Variants in TLE3 observed in about 807,000 individuals in gnomAD.
TLE3 encodes the protein TLE family member 3, transcriptional corepressor.
TLE3 carries 14 observed loss-of-function variants against 93.0 expected under a neutral mutation model. The ratio of observed to expected loss-of-function variants is 0.15; its 90% confidence interval spans 0.10 to 0.24. The LOEUF is 0.24. TLE3 is among the 10% of genes least tolerant of loss of function. The pLI is 1.00. For synonymous variants in TLE3, 451 were observed against 425.0 expected (o/e 1.06, Z -0.75); for missense variants, 693 against 1,046.6 (o/e 0.66, Z 4.66).
chr15:70,070,141 G>T (rs1274615213), intron 6 of TLE3, among the ~76,000 whole-genome samples: 1 of 152,230 alleles, frequency 6.6e-6, no homozygotes, highest in Non-Finnish European at 1.5e-5. Flanking sequence ...GGCGCTAGGA[G>T]CCTGGAACCA....
At chr15:70,055,894 C>T in intron 14 of TLE3, 1 of 329,250 alleles carries the variant, frequency 3.0e-6, no homozygotes, top group Non-Finnish European at 5.8e-6. Context: ...AGAGTGTGCC[C>T]TCCAGGGGAG....
In TLE3 at chr15:70,097,902, G is replaced by C. The variant is rs1052214418; in HGVS notation, c.-1104C>G. The stretch of plus-strand genomic sequence containing the variant: ...CGAGGTCTGAACTGCCGCGAGAGCA[G>C]TTCCAAATAGGGACTGAAAAGTAAC... On this transcript the variant is annotated 5_prime_UTR_variant, in exon 1 of 20. Coordinates refer to ENST00000451782, the MANE Select transcript of TLE3 (RefSeq NM_001105192.3). 2 of 268,460 alleles carry C rather than the reference G, an allele frequency of 7.4e-6. No individual in the cohort carries two copies. Among genetic ancestry groups the C allele is most frequent in the African/African-American group, 4.4e-5 (2 of 45,332 alleles). The allele number at this position is 268,460 out of a possible 1,614,324, so 16.6% of individuals were successfully genotyped here. A position where few individuals can be genotyped will look rare whatever the true frequency, so the allele number is the denominator to read the frequency against.
At chr15:70,053,450 T>G in intron 16 of TLE3, 76 bp from the exon 17 acceptor site, 1 of 1,506,508 alleles carries the variant, frequency 6.6e-7, no homozygotes, top group South Asian at 1.3e-5. Flanking sequence ...CCAGGGGCAG[T>G]CTGAGCAGAA....
chr15:70,052,761 G>T, intron 17 of TLE3: 4 of 360,132 alleles, frequency 1.1e-5, no homozygotes, highest in African/African-American at 2.2e-5. Flanking sequence ...AGAAAAAAGT[G>T]AGTTAAAAAA....
intron 2 of TLE3, 118 bp from the exon 3 acceptor site, chr15:70,095,759 C>T (rs1160338975): frequency 6.7e-5 from 85 of 1,260,144 alleles, no homozygotes; most frequent in Non-Finnish European, 1.1e-6. Context: ...CGGGGGCGCC[C>T]CCATTATCCC....
intron 4 of TLE3, among the ~76,000 whole-genome samples, chr15:70,090,179 G>A (rs1399044778): frequency 6.6e-6 from 1 of 152,126 alleles, no homozygotes; most frequent in Admixed American, 6.5e-5. Context: ...TTGGAGCCCA[G>A]CAGACCCCAA....
chr15:70,082,644 T>C (rs1416288160), intron 4 of TLE3, among the ~76,000 whole-genome samples: 1 of 152,240 alleles, frequency 6.6e-6, no homozygotes, highest in African/African-American at 2.4e-5. Flanking sequence ...GAATTCTTTA[T>C]GCTGGGAGGA....
At position 70,050,249 on chromosome 15, in the gene TLE3, C is replaced by T. The variant is rs200380962; in HGVS notation, c.2203-45G>A. ...AGAAGCAGCAGGAAGGCGTGGGGTG[C>T]AGGGAGAAAAAAGACAGGAATTCAT... On this transcript the variant is annotated intron_variant, in intron 19 of 19. Transcript: ENST00000451782. 11 of 1,467,798 alleles carry T rather than the reference C, an allele frequency of 7.5e-6. No homozygotes were observed. The South Asian group carries it at 1.1e-4, about 15-fold the overall frequency. The allele number at this position is 1,467,798 out of a possible 1,614,324, so 90.9% of individuals were successfully genotyped here. A position where few individuals can be genotyped will look rare whatever the true frequency, so the allele number is the denominator to read the frequency against.
intron 3 of TLE3, chr15:70,095,254 T>C (rs1401920697): frequency 1.6e-6 from 2 of 1,226,896 alleles, no homozygotes; most frequent in Admixed American, 4.0e-5. Flanking sequence ...TCCAATCCTA[T>C]CTTACTAGCC....
chr15:70,050,737 A>G, intron 19 of TLE3: 1 of 157,828 alleles, frequency 6.3e-6, no homozygotes, highest in Non-Finnish European at 1.4e-5. Flanking sequence ...AGGGAGTGAG[A>G]GAGAATGCAA....
intron 4 of TLE3, chr15:70,079,340 C>G (rs544121015): frequency 2.0e-6 from 1 of 496,370 alleles, no homozygotes; most frequent in Admixed American, 2.3e-5. Flanking sequence ...GACTTTGGCA[C>G]GTCACCAGAC....
chr15:70,089,533 C>G lies in TLE3; in HGVS notation c.234+4999G>C, dbSNP rs899319083. ...AAATCCCCACTTCCTACTCACAGGG[C>G]TCAGGGAATCGGAACTCTACTCTCA... On this transcript the variant is annotated intron_variant, in intron 4 of 19. Coordinates refer to ENST00000451782, the MANE Select transcript of TLE3 (RefSeq NM_001105192.3). 2.6e-5 allele frequency among the ~76,000 whole-genome samples: 4 copies of G among 152,040 alleles called. No individual in the cohort carries two copies. The East Asian group carries it at 7.7e-4, about 29-fold the overall frequency.
intron 4 of TLE3, among the ~76,000 whole-genome samples, chr15:70,090,746 A>G (rs2058269671): frequency 6.6e-6 from 1 of 152,100 alleles, no homozygotes; most frequent in Non-Finnish European, 1.5e-5. Flanking sequence ...TTCCTCTGGG[A>G]TTGCTAGTTA....
chr15:70,071,011 G>C (rs1323940127), intron 6 of TLE3, among the ~76,000 whole-genome samples: 1 of 152,162 alleles, frequency 6.6e-6, no homozygotes, highest in Non-Finnish European at 1.5e-5. Flanking sequence ...CAAATTGTCA[G>C]TAGGTAAGCA....
intron 4 of TLE3, among the ~76,000 whole-genome samples, chr15:70,079,095 G>C (rs770019820): frequency 6.6e-6 from 1 of 151,960 alleles, no homozygotes; most frequent in Non-Finnish European, 1.5e-5. Context: ...GTAGCCATCC[G>C]GGCCATCAGG....
At position 70,051,410 on chromosome 15, in the gene TLE3, T is replaced by A; in HGVS notation, c.2183A>T (p.Tyr728Phe). ...CAGTACCTGGAATATGCTGGCTCCA[T>A]AAGGCGTCCTCCAGGCGTTGAGAAG... ...DNLLNAWRTPYGASIFQSKES... is the reference protein window; with the variant it reads ...DNLLNAWRTPFGASIFQSKES... The change falls in exon 19 of 20, where the codon TAT becomes TTT. Residue 728 changes from tyrosine to phenylalanine, a missense_variant. Around this residue, in one of 4 missense-constraint regions of TLE3, gnomAD observed 153 missense variants for 379.9 expected, o/e 0.40. Coordinates refer to ENST00000451782, the MANE Select transcript of TLE3 (RefSeq NM_001105192.3). 3 of 1,609,958 alleles carry A rather than the reference T, an allele frequency of 1.9e-6. No homozygotes were observed. Among genetic ancestry groups the A allele is most frequent in the Non-Finnish European group, 2.5e-6 (3 of 1,178,120 alleles).
Position 70,058,701 on chromosome 15 carries a change from T to C in TLE3, c.880A>G (p.Ser294Gly). The C allele has an allele frequency of 6.2e-7, 1 of 1,608,108 alleles. No individual in the cohort carries two copies. Among genetic ancestry groups the C allele is most frequent in the Non-Finnish European group, 8.5e-7 (1 of 1,177,368 alleles). The change falls in exon 11 of 20, where the codon AGT becomes GGT. Residue 294 changes from serine (S) to glycine (G), a missense_variant. Physicochemically the swap from Ser to Gly is moderately conservative, Grantham distance 56. Coordinates refer to ENST00000451782, the MANE Select transcript of TLE3 (RefSeq NM_001105192.3). The surrounding 1 kb of genome is among the most constrained non-coding windows in gnomAD (Gnocchi z 4.1). Reference protein sequence around the residue: ...PTSPASVASSSSTPSSKTKDL... With the variant: ...PTSPASVASSGSTPSSKTKDL... ...TTGGTCTTGGAGGAAGGTGTGCTACTGGAAGAGGCCACCGAGGCAGGGCTG... is the reference window on the plus strand; with the variant it reads ...TTGGTCTTGGAGGAAGGTGTGCTACCGGAAGAGGCCACCGAGGCAGGGCTG...
At chr15:70,055,021 G>A (rs1019303734) in intron 15 of TLE3, 28 bp downstream of exon 15, 5 of 1,571,718 alleles carry the variant, frequency 3.2e-6, no homozygotes, top group Non-Finnish European at 4.3e-6. Flanking sequence ...ACCAGCTGGA[G>A]GCGGCGCAGC....
chr15:70,063,518 G>A (rs952346311), intron 8 of TLE3, among the ~76,000 whole-genome samples: 1 of 152,188 alleles, frequency 6.6e-6, no homozygotes, highest in Non-Finnish European at 1.5e-5. Context: ...AAGGAGGGCT[G>A]GATTGGAGAG....
Sources: gnomAD v4.1 joint callset for allele counts (sites outside exome capture counted in the v4.1 genomes callset) on GRCh38, gnomAD v4.1.1 for gene constraint, gnomAD v4.1.1 regional missense constraint, Gnocchi (gnomAD v3.1) non-coding constraint, MANE v1.5 for transcripts, NCBI Gene and HGNC (gene_info 2026-07-23, HGNC 2026-07-21) for gene names.